TIAM1: variants seen among roughly 807,000 people sequenced by gnomAD.
The protein encoded by TIAM1 is rho guanine nucleotide exchange factor TIAM1.
Under a neutral mutation model 163.5 loss-of-function variants are expected in TIAM1, and 65 were observed. The observed-to-expected ratio is 0.40, with a 90% CI of 0.33 to 0.49. The LOEUF is 0.49. TIAM1 is among the 20% of genes least tolerant of loss of function. The probability of loss-of-function intolerance (pLI) is 0.77; values close to 1 mark genes in which losing one functional copy is unlikely to be tolerated. For synonymous variants in TIAM1, 833 were observed against 810.1 expected (o/e 1.03, Z -0.48); for missense variants, 1,789 against 2,044.7 (o/e 0.87, Z 2.41).
chr21:31,246,676 G>A (rs1004680681), intron 5 of TIAM1, among the ~76,000 whole-genome samples: 4 of 152,184 alleles, frequency 2.6e-5, no homozygotes, highest in African/African-American at 9.7e-5. Context: ...GATTAGTAGT[G>A]TAGAATGATG....
At chr21:31,258,731 C>T (rs2072268189) in intron 4 of TIAM1, among the ~76,000 whole-genome samples, 1 of 151,874 alleles carries the variant, frequency 6.6e-6, no homozygotes, top group Non-Finnish European at 1.5e-5. Context: ...AGGAGAATCA[C>T]TTGAACCCGG....
chr21:31,352,519 C>T (rs117390808), intron 2 of TIAM1, among the ~76,000 whole-genome samples: 4 of 146,732 alleles, frequency 2.7e-5, no homozygotes, highest in South Asian at 4.4e-4. Context: ...TCATTTTCAA[C>T]GTTTTGGCTC....
rs1434084407 is a variant in TIAM1 at position 31,410,897 on chromosome 21, T to C, written c.-369+53086A>G. 6.6e-5 allele frequency among the ~76,000 whole-genome samples: 10 copies of C among 152,114 alleles called. 1 individual carries two copies. On this transcript the variant is annotated intron_variant, in intron 2 of 28. Transcript: ENST00000286827. ...AACTAAAATAAGGCATACAAAAGCA[T>C]GAACTCAGCTGAAGTGAGAGCATTA...
intron 1 of TIAM1, among the ~76,000 whole-genome samples, chr21:31,475,909 T>A (rs957293830): frequency 6.6e-6 from 1 of 152,230 alleles, no homozygotes; most frequent in Non-Finnish European, 1.5e-5. Context: ...AGGTCATTTT[T>A]ATATAAACAT....
rs375591610 is a variant in TIAM1, at chr21:31,295,286, C to T, written c.-188-18378G>A. The stretch of plus-strand genomic sequence containing the variant: ...GAAATCGAGACCATCCCGGCTAACA[C>T]GGTGAAACCCCGTCTCTACTAAAAA... On this transcript the variant is annotated intron_variant, in intron 2 of 27. Coordinates refer to ENST00000541036, the MANE Select transcript of TIAM1 (RefSeq NM_001353694.2). Among the ~76,000 whole-genome samples the T allele has an allele frequency of 9.3e-4, 142 of 152,126 alleles. 1 individual carries two copies. The highest frequency in any genetic ancestry group is 6.4e-3 in the East Asian group (33 of 5,136).
At chr21:31,299,538 C>A (rs1309123835) in intron 2 of TIAM1, among the ~76,000 whole-genome samples, 8 of 152,180 alleles carry the variant, frequency 5.3e-5, no homozygotes, top group Non-Finnish European at 1.2e-4. Flanking sequence ...AATTATTAAT[C>A]TTGAAATCTG....
Position 31,141,645 on chromosome 21 carries a change from A to T in TIAM1, c.3476-141T>A. On this transcript the variant is annotated intron_variant, in intron 20 of 27. Transcript: ENST00000541036. The surrounding 1 kb of genome is among the most constrained non-coding windows in gnomAD (Gnocchi z 4.7). ...GTGGGTGGCAGGAAGAGGGACAGGT[A>T]GGGGAGGGGGCAGTCAGGGAGACCA... 5 of 833,316 alleles carry T rather than the reference A, an allele frequency of 6.0e-6. No homozygotes were observed. Among genetic ancestry groups the T allele is most frequent in the Non-Finnish European group, 9.2e-6 (5 of 544,450 alleles). 51.6% of individuals were successfully genotyped at this position (833,316 alleles called of 1,614,324 possible).
chr21:31,352,367 T>G (rs2076248182), intron 2 of TIAM1, among the ~76,000 whole-genome samples: 1 of 152,142 alleles, frequency 6.6e-6, no homozygotes, highest in Non-Finnish European at 1.5e-5. Context: ...ACACCCAAGT[T>G]TTGGACATAG....
rs553115097 is a variant in TIAM1 at position 31,188,045 on chromosome 21, GA to G, written c.2576-959del. On this transcript the variant is annotated intron_variant, in intron 13 of 27. Transcript: ENST00000541036. Reference sequence around the variant, plus strand: ...TAATGCTGAGGGGAGAGCAGTGGTTGAAAAAAAAACAAGCAGGCAAATAGCA... The same window carrying G: ...TAATGCTGAGGGGAGAGCAGTGGTTGAAAAAAAACAAGCAGGCAAATAGCA... Among the ~76,000 whole-genome samples the G allele has an allele frequency of 3.3e-5, 5 of 149,862 alleles. 1 individual carries two copies. Among genetic ancestry groups the G allele is most frequent in the South Asian group, 4.2e-4 (2 of 4,722 alleles).
At chr21:31,435,486 A>G (rs1338471508) in intron 2 of TIAM1, among the ~76,000 whole-genome samples, 2 of 152,236 alleles carry the variant, frequency 1.3e-5, no homozygotes, top group Non-Finnish European at 2.9e-5. Flanking sequence ...GCCCTGAATC[A>G]TTCATACACG....
At chr21:31,245,767 C>T (rs2071469242) in intron 5 of TIAM1, 107 bp from the exon 6 acceptor site, 6 of 1,074,506 alleles carry the variant, frequency 5.6e-6, no homozygotes, top group Non-Finnish European at 7.2e-6. Context: ...AAAATTAAAG[C>T]ACGTGGAACC....
At chr21:31,159,373 A>G (rs909901846) in intron 16 of TIAM1, among the ~76,000 whole-genome samples, 3 of 152,326 alleles carry the variant, frequency 2.0e-5, no homozygotes, top group Middle Eastern at 3.4e-3. Flanking sequence ...AGTACACACT[A>G]TCAACTCAAG....
chr21:31,537,769 G>A (rs146852959), intron 1 of TIAM1, among the ~76,000 whole-genome samples: 2 of 152,028 alleles, frequency 1.3e-5, no homozygotes, highest in East Asian at 1.9e-4. Flanking sequence ...AAAAAAAAGA[G>A]AGAAAAGTAT....
intron 2 of TIAM1, among the ~76,000 whole-genome samples, chr21:31,280,133 C>G (rs1319971791): frequency 2.0e-5 from 3 of 152,154 alleles, no homozygotes; most frequent in Non-Finnish European, 4.4e-5. Flanking sequence ...GCTGAAATTA[C>G]CAAGTTTTTC....
chr21:31,240,836 C>T (rs73353348), intron 6 of TIAM1, among the ~76,000 whole-genome samples: 8,262 of 152,120 alleles, frequency 0.054, 487 homozygotes, highest in African/African-American at 0.15. Context: ...AGCTATGACA[C>T]AGTCCTTGGA....
chr21:31,314,016 T>C (rs528864465), intron 2 of TIAM1, among the ~76,000 whole-genome samples: 3 of 152,342 alleles, frequency 2.0e-5, no homozygotes, highest in South Asian at 2.1e-4. Context: ...TCCTGCATGG[T>C]AGACAAACAG....
At position 31,124,674 on chromosome 21, in the gene TIAM1, T is replaced by G; in HGVS notation, c.4154A>C (p.Asp1385Ala). 1 of 1,590,282 alleles carries G rather than the reference T, an allele frequency of 6.3e-7. No homozygotes were observed. ...GATTGAATGCACAGCCTTTAGGAAA[T>G]CCTTTCGGCTCTCTGGGGAGCTAGG... ...LCCSSPESRK[D>A]FLKAVHSILR... The change falls in exon 27 of 28, where the codon GAT becomes GCT. Residue 1385 changes from aspartate (D) to alanine (A), a missense_variant. Asp to Ala is a moderately radical substitution (Grantham distance 126, BLOSUM62 -2). Transcript: ENST00000541036.
At chr21:31,520,864 G>C (rs2047556321) in intron 1 of TIAM1, among the ~76,000 whole-genome samples, 2 of 152,184 alleles carry the variant, frequency 1.3e-5, no homozygotes, top group African/African-American at 4.8e-5. Context: ...TCCCACCACT[G>C]GACCAATTAA....
chr21:31,290,099 A>G (rs1021835801), intron 2 of TIAM1, among the ~76,000 whole-genome samples: 5 of 152,240 alleles, frequency 3.3e-5, no homozygotes, highest in Admixed American at 3.3e-4. Context: ...GTACTGTTCA[A>G]ATACATTATG....
Sources: gnomAD v4.1 joint callset for allele counts (sites outside exome capture counted in the v4.1 genomes callset) on GRCh38, gnomAD v4.1.1 for gene constraint, Gnocchi (gnomAD v3.1) non-coding constraint, MANE v1.5 for transcripts, NCBI Gene and HGNC (gene_info 2026-07-23, HGNC 2026-07-21) for gene names.